Variants in TNFRSF10A observed in about 807,000 individuals in gnomAD.
The protein encoded by TNFRSF10A is TNF receptor superfamily member 10a.
A neutral mutation model predicts 42.8 loss-of-function variants in TNFRSF10A; 44 were observed. That is an observed-to-expected ratio of 1.03 (90% CI 0.81 to 1.32). TNFRSF10A has a LOEUF of 1.32. Among genes scored for constraint, TNFRSF10A ranks in the 40% most tolerant of loss-of-function variants. The pLI, the probability that TNFRSF10A is intolerant of heterozygous loss-of-function variation, is 0.00. For missense variants in TNFRSF10A, 680 were observed against 602.0 expected, an observed-to-expected ratio of 1.13 and a Z score of -1.36; for synonymous variants, 259 against 234.2, an observed-to-expected ratio of 1.11 and a Z score of -0.97.
intron 2 of TNFRSF10A, among the ~76,000 whole-genome samples, chr8:23,207,918 C>A (rs1041558343): frequency 0.012 from 1,627 of 132,616 alleles, 22 homozygotes; most frequent in Non-Finnish European, 0.018. Flanking sequence ...AAAAAAAAAA[C>A]TAATACAGTA....
rs1800883717 is a variant in TNFRSF10A at position 23,199,936 on chromosome 8, C to G, written c.800-19G>C. Reference sequence around the variant, plus strand: ...CCACAACCTAGAAGAGAAGACGGTTCCCTTAGTGGCCAGGGAGGGGCCCAT... The same window carrying G: ...CCACAACCTAGAAGAGAAGACGGTTGCCTTAGTGGCCAGGGAGGGGCCCAT... On this transcript the variant is annotated intron_variant, in intron 6 of 9. Coordinates refer to ENST00000221132, the MANE Select transcript of TNFRSF10A (RefSeq NM_003844.4). 6.2e-6 allele frequency: 10 copies of G among 1,614,056 alleles called. No individual in the cohort carries two copies. The highest frequency in any genetic ancestry group is 8.5e-6 in the Non-Finnish European group (10 of 1,179,992).
Position 23,220,787 on chromosome 8 carries a change from C to T in TNFRSF10A, c.306+3969G>A, listed in dbSNP as rs181156200. ...CCCATCTCCGACCTGGAAGCTAAAG[C>T]CTTGCTGCCCTGTCACTCCTGGATA... On this transcript the variant is annotated intron_variant, in intron 1 of 9. Transcript: ENST00000221132. Among the ~76,000 whole-genome samples, 28 of 152,346 alleles carry T rather than the reference C, an allele frequency of 1.8e-4. No homozygotes were observed. In the East Asian group the frequency reaches 4.6e-3, roughly 25 times the overall value.
chr8:23,200,571 C>T lies in TNFRSF10A; in HGVS notation c.733G>A (p.Val245Ile). The T allele has an allele frequency of 6.2e-7, 1 of 1,614,190 alleles. No homozygotes were observed. The highest frequency in any genetic ancestry group is 1.6e-4 in the Middle Eastern group (1 of 6,062). ...AGCAACGGAACAACCAAAGTCACAA[C>T]CAAAATCACCCATATATTATGTCCA... Reference protein sequence around the residue: ...GNGHNIWVILVVTLVVPLLLV... With the variant: ...GNGHNIWVILIVTLVVPLLLV... The change falls in exon 6 of 10, where the codon GTT (valine) becomes ATT (isoleucine). Residue 245 changes from valine to isoleucine, a missense_variant. Val to Ile is a conservative substitution (Grantham distance 29). Coordinates refer to ENST00000221132, the MANE Select transcript of TNFRSF10A (RefSeq NM_003844.4).
At chr8:23,215,520 AACT>A (rs1042513450) in intron 1 of TNFRSF10A, among the ~76,000 whole-genome samples, 37 of 16,664 alleles carry the variant, frequency 2.2e-3, no homozygotes, top group Non-Finnish European at 5.3e-3. Flanking sequence ...AAAATAGCAT[AACT>A]AAATAAATAA....
intron 9 of TNFRSF10A, among the ~76,000 whole-genome samples, chr8:23,193,154 G>A (rs957708719): frequency 6.6e-6 from 1 of 152,180 alleles, no homozygotes; most frequent in African/African-American, 2.4e-5. Context: ...TCAGTGACTG[G>A]CTTTCTGTGC....
intron 1 of TNFRSF10A, among the ~76,000 whole-genome samples, chr8:23,217,030 G>C (rs1274473522): frequency 6.6e-6 from 1 of 152,188 alleles, no homozygotes; most frequent in African/African-American, 2.4e-5. Context: ...ATAAATGTCA[G>C]TTAAGTCAAG....
At chr8:23,206,956 TA>T in intron 2 of TNFRSF10A, 1 of 323,376 alleles carries the variant, frequency 3.1e-6, no homozygotes, top group Admixed American at 3.5e-5. Flanking sequence ...CTGCCCCTCC[TA>T]AAGCTGAAGC....
intron 9 of TNFRSF10A, among the ~76,000 whole-genome samples, chr8:23,192,849 T>G (rs1167090797): frequency 6.6e-6 from 1 of 152,190 alleles, no homozygotes; most frequent in African/African-American, 2.4e-5. Flanking sequence ...AACTTAACAT[T>G]TGTTTTATCT....
At position 23,191,529 on chromosome 8, in the gene TNFRSF10A, A is replaced by C. The variant is rs896594759; in HGVS notation, c.*165T>G. 1.2e-5 allele frequency: 12 copies of C among 976,832 alleles called. No homozygotes were observed. The highest frequency in any genetic ancestry group is 1.1e-4 in the South Asian group (6 of 54,534). The allele number at this position is 976,832 out of a possible 1,614,324, so 60.5% of individuals were successfully genotyped here. A position where few individuals can be genotyped will look rare whatever the true frequency, so the allele number is the denominator to read the frequency against. On this transcript the variant is annotated 3_prime_UTR_variant, in exon 10 of 10. Transcript: ENST00000221132. ...TGGTCAGGCTGGTCTTGAACTTCTG[A>C]CCTCAAGTGATCCACCCGCCTCAGC...
chr8:23,224,887 T>C lies in TNFRSF10A; in HGVS notation c.175A>G (p.Met59Val), dbSNP rs746067219. The C allele has an allele frequency of 1.3e-6, 2 of 1,588,596 alleles. No homozygotes were observed. The highest frequency in any genetic ancestry group is 1.3e-5 in the African/African-American group (1 of 74,316). The stretch of plus-strand genomic sequence containing the variant: ...CGGGCACTGGGTCCGTGCTGTCCCA[T>C]GGAGGTAGGGAGCGCTCCTCGGCCC... ...GGGRGALPTS[M>V]GQHGPSARAR... Residue 59 changes from methionine (M) to valine (V), a missense_variant, in exon 1 of 10, where the codon ATG (methionine) becomes GTG (valine). Met to Val is a conservative substitution (Grantham distance 21). Transcript: ENST00000221132.
At chr8:23,200,654 C>T in intron 5 of TNFRSF10A, 33 bp downstream of exon 5, 1 of 1,614,124 alleles carries the variant, frequency 6.2e-7, no homozygotes, top group Non-Finnish European at 8.5e-7. Context: ...CCTGTCTCCT[C>T]TGCAGCTGGG....
At chr8:23,195,953 T>A (rs1800817640) in intron 9 of TNFRSF10A, among the ~76,000 whole-genome samples, 1 of 152,138 alleles carries the variant, frequency 6.6e-6, no homozygotes, top group Non-Finnish European at 1.5e-5. Flanking sequence ...AATATGTCCA[T>A]CAAAAGGTTT....
At chr8:23,199,802 G>A (rs778342804) in intron 7 of TNFRSF10A, 84 bp downstream of exon 7, 6 of 1,593,822 alleles carry the variant, frequency 3.8e-6, no homozygotes, top group Non-Finnish European at 5.2e-6. Flanking sequence ...GAGAGCACGG[G>A]GACCCACCCA....
In TNFRSF10A at chr8:23,207,417, G is replaced by C. The variant is rs1283556173; in HGVS notation, c.404-4656C>G. On this transcript the variant is annotated intron_variant, in intron 2 of 9. Coordinates refer to ENST00000221132, the MANE Select transcript of TNFRSF10A (RefSeq NM_003844.4). ...TAAATACATGTATATGTTTTCACCA[G>C]AAAAACAAAGTTGAGGCCCAGATGC... is the stretch of plus-strand genomic sequence containing the variant. 6 of 497,628 alleles carry C rather than the reference G, an allele frequency of 1.2e-5. No homozygotes were observed. In the Middle Eastern group the frequency reaches 2.0e-3, roughly 166 times the overall value. The allele number at this position is 497,628 out of a possible 1,614,324, so 30.8% of individuals were successfully genotyped here.
intron 7 of TNFRSF10A, 81 bp from the exon 8 acceptor site, chr8:23,199,529 C>G: frequency 6.6e-7 from 1 of 1,506,932 alleles, no homozygotes. Context: ...GGACCTGCTG[C>G]CACCACCCCC....
At chr8:23,204,585 A>G (rs1473270549) in intron 2 of TNFRSF10A, among the ~76,000 whole-genome samples, 9 of 152,192 alleles carry the variant, frequency 5.9e-5, no homozygotes, top group Non-Finnish European at 8.8e-5. Context: ...ACTCTACTCA[A>G]TCAAAACAAG....
intron 1 of TNFRSF10A, among the ~76,000 whole-genome samples, chr8:23,223,732 T>A (rs1419727141): frequency 6.6e-6 from 1 of 152,238 alleles, no homozygotes; most frequent in Non-Finnish European, 1.5e-5. Flanking sequence ...GGAATCTGGA[T>A]GAGAACAATT....
At chr8:23,207,967 C>A (rs1358656370) in intron 2 of TNFRSF10A, among the ~76,000 whole-genome samples, 1 of 150,024 alleles carries the variant, frequency 6.7e-6, no homozygotes, top group African/African-American at 2.5e-5. Context: ...TGAAAAGATA[C>A]CTGAAAATAT....
At chr8:23,215,818 C>CTTT (rs752874036) in intron 1 of TNFRSF10A, among the ~76,000 whole-genome samples, 1 of 142,724 alleles carries the variant, frequency 7.0e-6, no homozygotes, top group Non-Finnish European at 1.5e-5. Context: ...TGGTTTATTA[C>CTTT]TTTTTTTTTT....
Sources: allele counts gnomAD v4.1 joint callset (sites outside exome capture counted in the v4.1 genomes callset), GRCh38; gene constraint gnomAD v4.1.1; transcripts MANE v1.5; gene names NCBI Gene and HGNC (gene_info 2026-07-23, HGNC 2026-07-21).